The following EGLN1 variants were observed in gnomAD, a reference collection of about 807,000 sequenced individuals.
EGLN1 encodes the protein egl nine homolog 1.
In EGLN1, 17 loss-of-function variants were observed where a neutral mutation model predicts 38.3. The observed-to-expected ratio is 0.44, with a 90% CI of 0.30 to 0.67. The LOEUF (loss-of-function observed/expected upper bound fraction) is 0.67, where lower values mean the gene tolerates loss of function less well. Among genes scored for constraint, EGLN1 ranks in the 30% least tolerant of loss-of-function variants. The pLI, the probability that EGLN1 is intolerant of heterozygous loss-of-function variation, is 0.08. For synonymous variants in EGLN1, 283 were observed against 257.5 expected (o/e 1.10, Z -0.95); for missense variants, 477 against 603.3 (o/e 0.79, Z 2.19).
chr1:231,407,248 CG>C (rs2102932588), intron 1 of EGLN1, among the ~76,000 whole-genome samples: 1 of 152,274 alleles, frequency 6.6e-6, no homozygotes, highest in Non-Finnish European at 1.5e-5. Flanking sequence ...GCTTCTCCCA[CG>C]TTGATTAAAT....
intron 1 of EGLN1, among the ~76,000 whole-genome samples, chr1:231,408,985 T>A (rs1688860854): frequency 6.7e-6 from 1 of 149,994 alleles, no homozygotes; most frequent in African/African-American, 2.5e-5. Context: ...AAAGTAGCAA[T>A]GGACAGAATG....
Position 231,413,572 on chromosome 1 carries a change from AACGTGCCATGTATT to A in EGLN1, c.891+7412_891+7425del, listed in dbSNP as rs567053153. Among the ~76,000 whole-genome samples, 30 of 152,116 alleles carry A rather than the reference AACGTGCCATGTATT, an allele frequency of 2.0e-4. 1 individual carries two copies. The East Asian group carries it at 5.8e-3, about 29-fold the overall frequency. Reference sequence around the variant, plus strand: ...TTCTCCATCTTAATATTTACCACCTAACGTGCCATGTATTACTTGTACATCTGTTTATTGACTGT... The same window carrying A: ...TTCTCCATCTTAATATTTACCACCTAACTTGTACATCTGTTTATTGACTGT... On this transcript the variant is annotated intron_variant, in intron 1 of 4. Coordinates refer to ENST00000366641, the MANE Select transcript of EGLN1 (RefSeq NM_022051.3).
chr1:231,379,830 G>A (rs1438811567), intron 1 of EGLN1, among the ~76,000 whole-genome samples: 2 of 152,100 alleles, frequency 1.3e-5, no homozygotes, highest in African/African-American at 2.4e-5. Flanking sequence ...ATAACAAAAC[G>A]ACACTGAACA....
At chr1:231,418,314 T>A (rs1424624418) in intron 1 of EGLN1, among the ~76,000 whole-genome samples, 1 of 152,224 alleles carries the variant, frequency 6.6e-6, no homozygotes, top group East Asian at 1.9e-4. Flanking sequence ...TACTCACATA[T>A]AAAGCTAGTG....
chr1:231,386,006 TCTTA>T (rs1221993387), intron 1 of EGLN1, among the ~76,000 whole-genome samples: 3 of 151,952 alleles, frequency 2.0e-5, no homozygotes, highest in Admixed American at 2.0e-4. Context: ...AGAGACAGGG[TCTTA>T]CTTACTATGT....
At chr1:231,419,196 C>A (rs982409605) in intron 1 of EGLN1, among the ~76,000 whole-genome samples, 2 of 152,160 alleles carry the variant, frequency 1.3e-5, no homozygotes, top group African/African-American at 4.8e-5. Flanking sequence ...CTAATATGTA[C>A]AGTTACGTGA....
intron 1 of EGLN1, among the ~76,000 whole-genome samples, chr1:231,419,105 G>C (rs78874606): frequency 6.6e-6 from 1 of 152,186 alleles, no homozygotes; most frequent in South Asian, 2.1e-4. Context: ...TCCTGAAGTT[G>C]CGTCCCTAAA....
chr1:231,420,037 G>C (rs1292111150), intron 1 of EGLN1: 1 of 152,190 alleles, frequency 6.6e-6, no homozygotes, highest in African/African-American at 2.4e-5. Context: ...AAATGAAAAA[G>C]AGCTGCAAGA....
chr1:231,411,926 AAGGCAGAGGTTGC>A (rs900414998), intron 1 of EGLN1, among the ~76,000 whole-genome samples: 16 of 147,110 alleles, frequency 1.1e-4, no homozygotes, highest in African/African-American at 3.2e-4. Context: ...TTGAACCCAG[AAGGCAGAGGTTGC>A]AGGCAGAGGT....
intron 1 of EGLN1, among the ~76,000 whole-genome samples, chr1:231,392,689 A>G (rs150831729): frequency 2.0e-5 from 3 of 152,334 alleles, no homozygotes; most frequent in Admixed American, 2.0e-4. Flanking sequence ...CATGTAAAAG[A>G]CTAGCATAGC....
chr1:231,409,241 T>TAAAAAAAAAAAAA lies in EGLN1; in HGVS notation c.891+11744_891+11756dup, dbSNP rs68152109. Among the ~76,000 whole-genome samples, 2 of 120,742 alleles carry TAAAAAAAAAAAAA rather than the reference T, an allele frequency of 1.7e-5. 1 individual carries two copies. 79.2% of individuals were successfully genotyped at this position (120,742 alleles called of 152,430 possible). ...CTTTAGAAGTCTTAGCCTAATTTCT[T>TAAAAAAAAAAAAA]AAAAAAAAAAAAAAACAAAAAAAAA... On this transcript the variant is annotated intron_variant, in intron 1 of 4. Coordinates refer to ENST00000366641, the MANE Select transcript of EGLN1 (RefSeq NM_022051.3).
In EGLN1 at chr1:231,421,499, GGCCGCACGACACGGCGACGCGGCC is replaced by G. The variant is rs1470968362; in HGVS notation, c.366_389del (p.Ala124_Ala131del). ...CCACCGCCGAGCCCTGGCCGCCGGC[GGCCGCACGACACGGCGACGCGGCC>G]GCCGCTGGGTCGGCCGGGGGCTTGG... On this transcript the variant is annotated inframe_deletion, in exon 1 of 5. Transcript: ENST00000366641. The surrounding 1 kb of genome is among the most constrained non-coding windows in gnomAD (Gnocchi z 5.5). 8 of 1,338,592 alleles carry G rather than the reference GGCCGCACGACACGGCGACGCGGCC, an allele frequency of 6.0e-6. No individual in the cohort carries two copies. The highest frequency in any genetic ancestry group is 2.3e-4 in the Middle Eastern group (1 of 4,414). 82.9% of individuals were successfully genotyped at this position (1,338,592 alleles called of 1,614,324 possible).
intron 1 of EGLN1, among the ~76,000 whole-genome samples, chr1:231,417,800 G>T (rs535730297): frequency 1.3e-5 from 2 of 152,172 alleles, no homozygotes; most frequent in East Asian, 3.9e-4. Flanking sequence ...AAATTCAGGG[G>T]AAAACAAAGC....
intron 1 of EGLN1, among the ~76,000 whole-genome samples, chr1:231,386,042 C>A (rs888939851): frequency 2.0e-5 from 3 of 151,808 alleles, no homozygotes; most frequent in Non-Finnish European, 4.4e-5. Flanking sequence ...CCTCGGACTT[C>A]TGGACTCAAG....
At chr1:231,412,786 T>A (rs532040426) in intron 1 of EGLN1, among the ~76,000 whole-genome samples, 1 of 152,248 alleles carries the variant, frequency 6.6e-6, no homozygotes, top group South Asian at 2.1e-4. Flanking sequence ...CAGCAAGCTA[T>A]CATAAATGGC....
At chr1:231,400,242 T>C (rs1033920866) in intron 1 of EGLN1, among the ~76,000 whole-genome samples, 1 of 152,134 alleles carries the variant, frequency 6.6e-6, no homozygotes, top group Admixed American at 6.5e-5. Flanking sequence ...CAGACCCAAA[T>C]GTGAATTAGA....
chr1:231,414,522 G>C (rs986121426), intron 1 of EGLN1, among the ~76,000 whole-genome samples: 6 of 152,108 alleles, frequency 3.9e-5, no homozygotes, highest in East Asian at 1.9e-4. Flanking sequence ...GCCTACTTCA[G>C]GGCAAACGGC....
At chr1:231,401,999 A>G (rs942942159) in intron 1 of EGLN1, among the ~76,000 whole-genome samples, 1 of 152,200 alleles carries the variant, frequency 6.6e-6, no homozygotes, top group African/African-American at 2.4e-5. Flanking sequence ...ATTTAATTTT[A>G]GCCATTCTAG....
chr1:231,420,265 T>A (rs888281354), intron 1 of EGLN1: 5 of 152,236 alleles, frequency 3.3e-5, no homozygotes, highest in Non-Finnish European at 7.3e-5. Context: ...CAAAACAGTT[T>A]TCAACAGAAG....
Sources: allele counts gnomAD v4.1 joint callset (sites outside exome capture counted in the v4.1 genomes callset), GRCh38; gene constraint gnomAD v4.1.1; non-coding constraint Gnocchi (gnomAD v3.1); transcripts MANE v1.5; gene names NCBI Gene and HGNC (gene_info 2026-07-23, HGNC 2026-07-21).